NOL4L: variants seen among roughly 807,000 people sequenced by gnomAD.
The protein encoded by NOL4L is nucleolar protein 4 like, also known as nucleolar protein 4-like.
Under a neutral mutation model 64.5 loss-of-function variants are expected in NOL4L, and 7 were observed. The ratio of observed to expected loss-of-function variants is 0.11; its 90% CI spans 0.06 to 0.20. The LOEUF is 0.20. NOL4L is among the 10% of genes least tolerant of loss of function. The pLI is 1.00. For missense variants in NOL4L, 680 were observed against 967.1 expected (o/e 0.70, Z 3.94); for synonymous variants, 413 against 401.0 (o/e 1.03, Z -0.36).
In NOL4L at chr20:32,452,371, A is replaced by T; in HGVS notation, c.1687T>A (p.Ser563Thr). ...DSAAITHSTYSLPASSYSQDP... is the reference protein window; with the variant it reads ...DSAAITHSTYTLPASSYSQDP... ...TGGGAGTAGGAGGAGGCTGGCAGTGAGTAGGTGGAGTGGGTGATGGCTGCG... is the reference window on the plus strand; with the variant it reads ...TGGGAGTAGGAGGAGGCTGGCAGTGTGTAGGTGGAGTGGGTGATGGCTGCG... The change falls in exon 10 of 11, where the codon TCA (serine) becomes ACA (threonine). Residue 563 changes from serine to threonine, a missense_variant. Transcript: ENST00000621426. 6.2e-7 allele frequency: 1 copy of T among 1,612,368 alleles called. No individual in the cohort carries two copies. The highest frequency in any genetic ancestry group is 8.5e-7 in the Non-Finnish European group (1 of 1,179,156).
intron 4 of NOL4L, among the ~76,000 whole-genome samples, chr20:32,498,160 C>T (rs2016772551): frequency 6.6e-6 from 1 of 152,176 alleles, no homozygotes; most frequent in Non-Finnish European, 1.5e-5. Flanking sequence ...GACACTGGCT[C>T]TCCAGACAGG....
chr20:32,554,526 G>C (rs1042808670), intron 1 of NOL4L, among the ~76,000 whole-genome samples: 2 of 151,946 alleles, frequency 1.3e-5, no homozygotes, highest in Admixed American at 6.6e-5. Context: ...AATGTTGTGT[G>C]GGGGGAGGGT....
At chr20:32,539,212 G>C (rs750516448) in intron 1 of NOL4L, among the ~76,000 whole-genome samples, 18 of 152,214 alleles carry the variant, frequency 1.2e-4, no homozygotes, top group Non-Finnish European at 1.8e-4. Flanking sequence ...GGTTAAGCAC[G>C]TGAGTTCTGC....
At chr20:32,482,426 C>T (rs1225681014) in intron 4 of NOL4L, among the ~76,000 whole-genome samples, 2 of 152,110 alleles carry the variant, frequency 1.3e-5, no homozygotes, top group African/African-American at 4.8e-5. Flanking sequence ...GCAAACGCAG[C>T]TCCGGGTGGG....
chr20:32,535,176 C>G (rs1352221766), intron 1 of NOL4L, among the ~76,000 whole-genome samples: 1 of 150,942 alleles, frequency 6.6e-6, no homozygotes, highest in African/African-American at 2.4e-5. Context: ...TTGTAAAGGG[C>G]AATCAGGTGA....
At chr20:32,469,012 C>T (rs1259736512) in intron 5 of NOL4L, among the ~76,000 whole-genome samples, 1 of 152,044 alleles carries the variant, frequency 6.6e-6, no homozygotes, top group Non-Finnish European at 1.5e-5. Flanking sequence ...TCCCTGTGGT[C>T]TGGGCAAGTT....
At chr20:32,559,558 G>A (rs1169055055) in intron 1 of NOL4L, among the ~76,000 whole-genome samples, 6 of 152,174 alleles carry the variant, frequency 3.9e-5, no homozygotes, top group Non-Finnish European at 1.5e-5. Flanking sequence ...ATGTTATTAC[G>A]TTCATTTTGC....
intron 1 of NOL4L, among the ~76,000 whole-genome samples, chr20:32,572,992 C>T (rs558205375): frequency 2.0e-5 from 3 of 152,246 alleles, no homozygotes; most frequent in East Asian, 3.9e-4. Flanking sequence ...CTCTCTTCAG[C>T]TCCCCAAGGC....
At position 32,463,896 on chromosome 20, in the gene NOL4L, C is replaced by T. The variant is rs1737893; in HGVS notation, c.842-7501G>A. Among the ~76,000 whole-genome samples, 81,221 of 152,034 alleles carry T rather than the reference C, an allele frequency of 0.53. 24,041 individuals are homozygous for T. Among genetic ancestry groups the T allele is most frequent in the East Asian group, 0.98 (5,012 of 5,136 alleles). On this transcript the variant is annotated intron_variant, in intron 5 of 10. Transcript: ENST00000621426. The surrounding 1 kb of genome is among the most constrained non-coding windows in gnomAD (Gnocchi z 5.8). Reference sequence around the variant, plus strand: ...GGAAGGCCCACCATCCCTGGGACCACAGGCCAGGTACACGGCCACTGGAGG... The same window carrying T: ...GGAAGGCCCACCATCCCTGGGACCATAGGCCAGGTACACGGCCACTGGAGG...
At chr20:32,560,571 A>G (rs1444913887) in intron 1 of NOL4L, among the ~76,000 whole-genome samples, 1 of 152,260 alleles carries the variant, frequency 6.6e-6, no homozygotes, top group East Asian at 1.9e-4. Context: ...CACTGTGCCT[A>G]AGGCATTACC....
At chr20:32,486,945 C>G in intron 4 of NOL4L, 1 of 345,598 alleles carries the variant, frequency 2.9e-6, no homozygotes, top group South Asian at 2.4e-5. Context: ...CATTCATTGT[C>G]ACTAATTGAC....
rs565743530 is a variant in NOL4L, at chr20:32,524,750, G to T, written c.477+3008C>A. On this transcript the variant is annotated intron_variant, in intron 2 of 10. Coordinates refer to ENST00000621426, the MANE Select transcript of NOL4L (RefSeq NM_001256798.2). ...ATGGATGGGTGGGGGCCTCGTGTCT[G>T]CAGAGTGGGGCTGAAGAGCTAGGTA... 3.3e-5 allele frequency among the ~76,000 whole-genome samples: 5 copies of T among 152,306 alleles called. No homozygotes were observed. The East Asian group carries it at 9.6e-4, about 29-fold the overall frequency.
chr20:32,486,894 A>C, intron 4 of NOL4L: 3 of 416,724 alleles, frequency 7.2e-6, no homozygotes, highest in South Asian at 5.3e-5. Flanking sequence ...GAAATCCAGA[A>C]AGAGAAACTC....
intron 1 of NOL4L, among the ~76,000 whole-genome samples, chr20:32,578,518 TG>T (rs1353867231): frequency 2.6e-5 from 4 of 152,208 alleles, no homozygotes; most frequent in Non-Finnish European, 5.9e-5. Context: ...TCTGAGTAGC[TG>T]GGACTACGGG....
chr20:32,561,331 C>T (rs60589901), intron 1 of NOL4L, among the ~76,000 whole-genome samples: 1,855 of 152,262 alleles, frequency 0.012, 23 homozygotes, highest in African/African-American at 0.043. Context: ...GCGGCCCAGC[C>T]GAGGCTTGGA....
chr20:32,456,427 C>T (rs1051433715), intron 5 of NOL4L, 32 bp from the exon 6 acceptor site: 1 of 1,437,316 alleles, frequency 7.0e-7, no homozygotes, highest in South Asian at 1.6e-5. Context: ...TGAGGCCCCA[C>T]CCAAGGCACT....
chr20:32,487,937 T>TATTTA (rs1555796300), intron 4 of NOL4L, among the ~76,000 whole-genome samples: 6 of 129,692 alleles, frequency 4.6e-5, no homozygotes, highest in African/African-American at 2.2e-4. Flanking sequence ...TGGTTTTATT[T>TATTTA]TTTTTTTTTT....
rs1439394986 is a variant in NOL4L, at chr20:32,463,338, C to A, written c.842-6943G>T. Among the ~76,000 whole-genome samples, 1 of 152,198 alleles carries A rather than the reference C, an allele frequency of 6.6e-6. No homozygotes were observed. The highest frequency in any genetic ancestry group is 1.5e-5 in the Non-Finnish European group (1 of 68,016). ...CCATGAGGCCCCTCCAGGAGGGTCACCCTTGAGGCCAACCTGCTGGGGCCC... is the reference window on the plus strand; with the variant it reads ...CCATGAGGCCCCTCCAGGAGGGTCAACCTTGAGGCCAACCTGCTGGGGCCC... On this transcript the variant is annotated intron_variant, in intron 5 of 10. Coordinates refer to ENST00000621426, the MANE Select transcript of NOL4L (RefSeq NM_001256798.2). This position sits in a 1 kb window ranked among gnomAD's most constrained non-coding sequence, Gnocchi z 5.8.
chr20:32,465,110 G>A (rs561834277), intron 5 of NOL4L: 5 of 543,208 alleles, frequency 9.2e-6, no homozygotes, highest in African/African-American at 8.0e-5. Context: ...GGCTCAAGCG[G>A]TGGGGCCCTG....
Sources: allele counts gnomAD v4.1 joint callset (sites outside exome capture counted in the v4.1 genomes callset), GRCh38; gene constraint gnomAD v4.1.1; non-coding constraint Gnocchi (gnomAD v3.1); transcripts MANE v1.5; gene names NCBI Gene and HGNC (gene_info 2026-07-23, HGNC 2026-07-21).